Variants in OSBP observed in about 807,000 individuals in gnomAD.
OSBP encodes the protein oxysterol-binding protein 1.
A neutral mutation model predicts 96.6 loss-of-function variants in OSBP; 32 were observed. That is an observed-to-expected ratio of 0.33 (90% confidence interval 0.25 to 0.45). The LOEUF (loss-of-function observed/expected upper bound fraction) is 0.45, where lower values mean the gene tolerates loss of function less well. Ranked by LOEUF, OSBP falls within the 20% of genes least tolerant of loss-of-function variation. The probability of loss-of-function intolerance (pLI) is 1.00; values close to 1 mark genes in which losing one functional copy is unlikely to be tolerated. For missense variants in OSBP, 653 were observed against 1,029.7 expected (o/e 0.63, Z 5.01); for synonymous variants, 369 against 389.6 (o/e 0.95, Z 0.62).
At position 59,610,514 on chromosome 11, in the gene OSBP, G is replaced by A. The variant is rs1860830641; in HGVS notation, c.438C>T (p.Ser146=). 1.1e-5 allele frequency: 17 copies of A among 1,614,216 alleles called. No homozygotes were observed. Among genetic ancestry groups the A allele is most frequent in the Non-Finnish European group, 1.4e-5 (17 of 1,180,028 alleles). ...LATANITVED[S]CNFIISNGGA... ...CCCCATTGGAAATGATGAAGTTGCA[G>A]GAGTCCTCCACGGTGATGTTGGCTG... Residue 146 remains serine (S), a synonymous_variant, in exon 2 of 14, where the codon TCC becomes TCT. Transcript: ENST00000263847.
chr11:59,587,008 C>G (rs1860506834), intron 9 of OSBP, among the ~76,000 whole-genome samples: 1 of 151,892 alleles, frequency 6.6e-6, no homozygotes, highest in African/African-American at 2.4e-5. Flanking sequence ...GCAAAAACAA[C>G]AAAAATACAA....
intron 3 of OSBP, 148 bp downstream of exon 3, chr11:59,608,336 A>C: frequency 1.1e-6 from 1 of 927,458 alleles, no homozygotes. Context: ...TATTTCATGC[A>C]GTAAACAATG....
intron 9 of OSBP, among the ~76,000 whole-genome samples, chr11:59,585,572 C>T (rs1385792594): frequency 6.6e-5 from 10 of 151,308 alleles, no homozygotes; most frequent in African/African-American, 2.2e-4. Flanking sequence ...CCCGGCCAGC[C>T]GCCCCGTCCG....
chr11:59,610,473 TG>T lies in OSBP; in HGVS notation c.478del (p.His160IlefsTer2). 6.2e-7 allele frequency: 1 copy of T among 1,614,170 alleles called. No individual in the cohort carries two copies. Among genetic ancestry groups the T allele is most frequent in the South Asian group, 1.1e-5 (1 of 91,092 alleles). ...CTCAACTTCTGAACTAGCTTTCAGA[TG>T]GTAGGTCTGAGCACCCCCATTGGAA... The part of the protein sequence containing the change: ...IISNGGAQTY[H>X]LKASSEVERQ... On this transcript the variant is annotated frameshift_variant, in exon 2 of 14. Coordinates refer to ENST00000263847, the MANE Select transcript of OSBP (RefSeq NM_002556.3). LOFTEE classifies it high-confidence loss of function.
chr11:59,589,988 A>T (rs1860557674), intron 9 of OSBP, among the ~76,000 whole-genome samples: 1 of 152,204 alleles, frequency 6.6e-6, no homozygotes, highest in Non-Finnish European at 1.5e-5. Context: ...GTCTCAAAAA[A>T]AAAAAAGAAA....
intron 9 of OSBP, among the ~76,000 whole-genome samples, chr11:59,593,147 A>AT (rs1860606506): frequency 6.6e-6 from 1 of 152,130 alleles, no homozygotes; most frequent in Non-Finnish European, 1.5e-5. Context: ...GAATTCAGCC[A>AT]TTACATAAAT....
At chr11:59,588,661 C>A (rs762837248) in intron 9 of OSBP, among the ~76,000 whole-genome samples, 1 of 151,876 alleles carries the variant, frequency 6.6e-6, no homozygotes, top group African/African-American at 2.4e-5. Flanking sequence ...CTGACCAGTA[C>A]ACTTAAGAAT....
rs1376449593 is a variant in OSBP, at chr11:59,594,194, T to A, written c.1373A>T (p.Glu458Val). Residue 458 changes from glutamate to valine, a missense_variant, in exon 8 of 14, where the codon GAG becomes GTG. Glu to Val is a moderately radical substitution (Grantham distance 121). Transcript: ENST00000263847. ...QRLTEDLEYH[E>V]LLDRAAKCEN... ...ACATTTTGCAGCTCGGTCTAACAGC[T>A]CATGGTATTCCAGATCTTCAGTAAG... 1.9e-6 allele frequency: 3 copies of A among 1,614,036 alleles called. No homozygotes were observed. The highest frequency in any genetic ancestry group is 1.7e-6 in the Non-Finnish European group (2 of 1,180,000).
chr11:59,586,856 A>G (rs1860504890), intron 9 of OSBP, among the ~76,000 whole-genome samples: 2 of 152,218 alleles, frequency 1.3e-5, no homozygotes, highest in Non-Finnish European at 1.5e-5. Context: ...ATCTAGTACC[A>G]TGTACAAAAA....
rs1029180379 is a variant in OSBP at position 59,576,026 on chromosome 11, C to T, written c.*551G>A. 4 of 152,878 alleles carry T rather than the reference C, an allele frequency of 2.6e-5. No individual in the cohort carries two copies. Among genetic ancestry groups the T allele is most frequent in the African/African-American group, 9.7e-5 (4 of 41,440 alleles). The allele number at this position is 152,878 out of a possible 1,614,324, so 9.5% of individuals were successfully genotyped here. A position where few individuals can be genotyped will look rare whatever the true frequency, so the allele number is the denominator to read the frequency against. On this transcript the variant is annotated 3_prime_UTR_variant, in exon 14 of 14. Transcript: ENST00000263847. The stretch of plus-strand genomic sequence containing the variant: ...GGTGTTCCAATATCGCAGTTATCTC[C>T]GCGTGGACACTCCATTAAACCGACC...
intron 1 of OSBP, among the ~76,000 whole-genome samples, chr11:59,613,829 A>T (rs1234091388): frequency 6.6e-6 from 1 of 152,230 alleles, no homozygotes; most frequent in Non-Finnish European, 1.5e-5. Context: ...GAGGACAGGT[A>T]AAAATGTGTT....
chr11:59,576,279 G>A lies in OSBP; in HGVS notation c.*298C>T. 1 of 291,226 alleles carries A rather than the reference G, an allele frequency of 3.4e-6. No individual in the cohort carries two copies. The highest frequency in any genetic ancestry group is 6.3e-6 in the Non-Finnish European group (1 of 157,762). The allele number at this position is 291,226 out of a possible 1,614,324, so 18.0% of individuals were successfully genotyped here. On this transcript the variant is annotated 3_prime_UTR_variant, in exon 14 of 14. Transcript: ENST00000263847. ...ATTGTCTTAAATGGGGGCAGAGGGAGAAAGAAGAGCCAAGAATACTTGACT... is the reference window on the plus strand; with the variant it reads ...ATTGTCTTAAATGGGGGCAGAGGGAAAAAGAAGAGCCAAGAATACTTGACT...
At chr11:59,597,066 T>C (rs1186742039) in intron 7 of OSBP, among the ~76,000 whole-genome samples, 5 of 152,068 alleles carry the variant, frequency 3.3e-5, no homozygotes, top group Non-Finnish European at 7.4e-5. Flanking sequence ...AGCTATTTCT[T>C]TCTTTTTTTT....
intron 9 of OSBP, among the ~76,000 whole-genome samples, chr11:59,583,641 T>TG (rs1194509604): frequency 2.2e-5 from 3 of 134,596 alleles, no homozygotes; most frequent in Non-Finnish European, 3.1e-5. Context: ...TCTGTTTTTT[T>TG]TTTTTTTTTT....
chr11:59,586,398 A>T (rs1025712521), intron 9 of OSBP, among the ~76,000 whole-genome samples: 1 of 152,184 alleles, frequency 6.6e-6, no homozygotes, highest in Admixed American at 6.5e-5. Flanking sequence ...TGCTGAAAGA[A>T]ATTAAAGTTA....
Position 59,594,267 on chromosome 11 carries a change from A to G in OSBP, c.1312-12T>C, listed in dbSNP as rs202075451. On this transcript the variant is annotated splice_polypyrimidine_tract_variant and intron_variant, in intron 7 of 13. Transcript: ENST00000263847. ...TCATTAAAGTTTACCTGTAAGGAGAAGAACAGATATAAAAACTATGCTCAC... is the reference window on the plus strand; with the variant it reads ...TCATTAAAGTTTACCTGTAAGGAGAGGAACAGATATAAAAACTATGCTCAC... The G allele has an allele frequency of 3.1e-6, 5 of 1,613,102 alleles. No homozygotes were observed. The highest frequency in any genetic ancestry group is 3.4e-6 in the Non-Finnish European group (4 of 1,179,302).
rs773165924 is a variant in OSBP at position 59,615,445 on chromosome 11, G to T, written c.220C>A (p.Pro74Thr). 6.8e-7 allele frequency: 1 copy of T among 1,468,056 alleles called. No homozygotes were observed. The highest frequency in any genetic ancestry group is 1.2e-5 in the South Asian group (1 of 81,378). 90.9% of individuals were successfully genotyped at this position (1,468,056 alleles called of 1,614,324 possible). A position where few individuals can be genotyped will look rare whatever the true frequency, so the allele number is the denominator to read the frequency against. ...GVAAAGPAPA[P>T]PTGGSGGSGA... ...GAGCCGCCCGAGCCCCCAGTCGGCG[G>T]CGCAGGGGCCGGGCCAGCCGCCGCC... Residue 74 changes from proline to threonine, a missense_variant, in exon 1 of 14, where the codon CCG (proline) becomes ACG (threonine). By Grantham distance (38) the Pro-to-Thr change is conservative. This residue lies in a region of OSBP where 151 missense variants were observed against 146.1 expected (regional missense o/e 1.03). Transcript: ENST00000263847.
In OSBP at chr11:59,576,352, TACAG is replaced by T. The variant is rs1029834478; in HGVS notation, c.*221_*224del. The T allele has an allele frequency of 1.9e-6, 1 of 531,068 alleles. No homozygotes were observed. The highest frequency in any genetic ancestry group is 3.4e-5 in the Admixed American group (1 of 29,350). 32.9% of individuals were successfully genotyped at this position (531,068 alleles called of 1,614,324 possible). A position where few individuals can be genotyped will look rare whatever the true frequency, so the allele number is the denominator to read the frequency against. ...ACCTTCGGCCACTAAACCTCTCCCTTACAGACATAGTATCTCCTATGTCGATTTC... is the reference window on the plus strand; with the variant it reads ...ACCTTCGGCCACTAAACCTCTCCCTTACATAGTATCTCCTATGTCGATTTC... On this transcript the variant is annotated 3_prime_UTR_variant, in exon 14 of 14. Transcript: ENST00000263847.
intron 2 of OSBP, among the ~76,000 whole-genome samples, chr11:59,610,058 T>C (rs1860825676): frequency 6.6e-6 from 1 of 152,140 alleles, no homozygotes; most frequent in African/African-American, 2.4e-5. Context: ...GCCAGATAAT[T>C]CTTTGTTTTG....
Sources: gnomAD v4.1 joint callset for allele counts (sites outside exome capture counted in the v4.1 genomes callset) on GRCh38, gnomAD v4.1.1 for gene constraint, gnomAD v4.1.1 regional missense constraint, MANE v1.5 for transcripts, NCBI Gene and HGNC (gene_info 2026-07-23, HGNC 2026-07-21) for gene names.